FMNL2: variants seen among roughly 807,000 people sequenced by gnomAD.
FMNL2 encodes formin like 2.
FMNL2 carries 51 observed loss-of-function variants against 130.2 expected under a neutral mutation model. That is an observed-to-expected ratio of 0.39 (90% confidence interval 0.31 to 0.49). FMNL2 has a LOEUF of 0.49. Ranked by LOEUF, FMNL2 falls within the 20% of genes least tolerant of loss-of-function variation. The pLI is 0.85. For missense variants in FMNL2, 977 were observed against 1,316.2 expected, an observed-to-expected ratio of 0.74 and a Z score of 3.99; for synonymous variants, 465 against 467.1, an observed-to-expected ratio of 1.00 and a Z score of 0.06.
intron 1 of FMNL2, among the ~76,000 whole-genome samples, chr2:152,509,507 G>T (rs1030580015): frequency 2.0e-5 from 3 of 151,742 alleles, no homozygotes; most frequent in Admixed American, 1.3e-4. Flanking sequence ...CCTCTCATTG[G>T]ATAAAAAGTG....
At chr2:152,390,990 T>A (rs1685079082) in intron 1 of FMNL2, among the ~76,000 whole-genome samples, 1 of 152,236 alleles carries the variant, frequency 6.6e-6, no homozygotes, top group Admixed American at 6.5e-5. Context: ...CTTCACACCC[T>A]AGTTTGAAAG....
chr2:152,629,665 G>A lies in FMNL2; in HGVS notation c.2410G>A (p.Ala804Thr), dbSNP rs560912594. 3 of 1,597,904 alleles carry A rather than the reference G, an allele frequency of 1.9e-6. No individual in the cohort carries two copies. Among genetic ancestry groups the A allele is most frequent in the African/African-American group, 2.7e-5 (2 of 74,676 alleles). ...SIQMLTPQLH[A>T]IIAASVSIKS... ...TTTGATTGGAATCTAGCAACTACAT[G>A]CGATTATAGCAGCATCTGTCTCTAT... The change falls in exon 19 of 26, where the codon GCG becomes ACG. Residue 804 changes from alanine (A) to threonine (T), a missense_variant. By Grantham distance (58) the Ala-to-Thr change is moderately conservative. Coordinates refer to ENST00000288670, the MANE Select transcript of FMNL2 (RefSeq NM_052905.4).
chr2:152,428,543 C>G (rs1432323286), intron 1 of FMNL2, among the ~76,000 whole-genome samples: 1 of 152,118 alleles, frequency 6.6e-6, no homozygotes, highest in Non-Finnish European at 1.5e-5. Context: ...AATTTAAGAG[C>G]CTTTTTCCTT....
Position 152,649,115 on chromosome 2 carries a change from G to A in FMNL2, c.*1210G>A, listed in dbSNP as rs935915684. 1 of 152,520 alleles carries A rather than the reference G, an allele frequency of 6.6e-6. No homozygotes were observed. The highest frequency in any genetic ancestry group is 2.4e-5 in the African/African-American group (1 of 41,428). The allele number at this position is 152,520 out of a possible 1,614,324, so 9.4% of individuals were successfully genotyped here. The stretch of plus-strand genomic sequence containing the variant: ...GGTACATCAATATATTAATTGTAAA[G>A]TTTATTGTATAGTATTTAACCGCTG... On this transcript the variant is annotated 3_prime_UTR_variant, in exon 26 of 26. Transcript: ENST00000288670.
intron 1 of FMNL2, among the ~76,000 whole-genome samples, chr2:152,401,843 G>A (rs1436567207): frequency 1.3e-5 from 2 of 150,306 alleles, no homozygotes; most frequent in Non-Finnish European, 3.0e-5. Flanking sequence ...CAAAAAGAGA[G>A]AGGCAGAGAA....
rs1187241976 is a variant in FMNL2, at chr2:152,619,073, G to C, written c.1542G>C (p.Val514=). The part of the protein sequence containing the change: ...MGSEVVAGNS[V]GPTMGAASSG... ...CAGAAGTGGTAGCAGGTAACTCTGT[G>C]GGACCCACAATGGGGGCCGCTTCCT... Residue 514 remains valine, a synonymous_variant, in exon 14 of 26, where the codon GTG becomes GTC. Coordinates refer to ENST00000288670, the MANE Select transcript of FMNL2 (RefSeq NM_052905.4). The C allele has an allele frequency of 1.2e-6, 2 of 1,613,478 alleles. No homozygotes were observed. The highest frequency in any genetic ancestry group is 3.3e-4 in the Middle Eastern group (2 of 6,060).
At chr2:152,576,391 T>G (rs1472384520) in intron 7 of FMNL2, among the ~76,000 whole-genome samples, 1 of 152,156 alleles carries the variant, frequency 6.6e-6, no homozygotes, top group East Asian at 1.9e-4. Context: ...ATGTATATGT[T>G]CCAGATAATA....
At chr2:152,587,165 A>G (rs1697130167) in intron 9 of FMNL2, among the ~76,000 whole-genome samples, 1 of 152,234 alleles carries the variant, frequency 6.6e-6, no homozygotes, top group East Asian at 1.9e-4. Flanking sequence ...CTGAAGAGCC[A>G]CCATTCAAAG....
At chr2:152,555,489 A>G (rs891633812) in intron 4 of FMNL2, among the ~76,000 whole-genome samples, 43 of 152,376 alleles carry the variant, frequency 2.8e-4, no homozygotes, top group African/African-American at 9.4e-4. Context: ...AGCCAGGAAC[A>G]TCTCTTAAGA....
At chr2:152,619,278 T>C in intron 14 of FMNL2, 120 bp downstream of exon 14, 1 of 1,327,374 alleles carries the variant, frequency 7.5e-7, no homozygotes, top group Non-Finnish European at 1.0e-6. Context: ...GAATTGGTTT[T>C]CTTGAGTAGT....
chr2:152,615,350 C>T (rs1469309794), intron 12 of FMNL2, among the ~76,000 whole-genome samples: 2 of 151,994 alleles, frequency 1.3e-5, no homozygotes, highest in Non-Finnish European at 2.9e-5. Flanking sequence ...TGGCCTGAGG[C>T]GAAGAGGTAT....
chr2:152,586,289 T>C (rs1381082217), intron 9 of FMNL2, among the ~76,000 whole-genome samples: 4 of 152,342 alleles, frequency 2.6e-5, no homozygotes, highest in African/African-American at 9.6e-5. Context: ...GCAGTAGTTG[T>C]TCTTTTTTCT....
At chr2:152,531,668 G>A (rs35552611) in intron 2 of FMNL2, among the ~76,000 whole-genome samples, 32,261 of 151,746 alleles carry the variant, frequency 0.21, 3,801 homozygotes, top group Middle Eastern at 0.29. Flanking sequence ...TAAAGACAGG[G>A]TTTCACCATG....
intron 1 of FMNL2, among the ~76,000 whole-genome samples, chr2:152,498,921 A>G (rs1044563963): frequency 6.6e-6 from 1 of 152,182 alleles, no homozygotes; most frequent in African/African-American, 2.4e-5. Context: ...CTTCAACTTA[A>G]TTAGTGAAGG....
intron 1 of FMNL2, among the ~76,000 whole-genome samples, chr2:152,409,541 G>A (rs1340061862): frequency 6.6e-6 from 1 of 152,198 alleles, no homozygotes; most frequent in Non-Finnish European, 1.5e-5. Context: ...GCATGGTGAA[G>A]TTTCACAGTC....
At chr2:152,609,823 G>T (rs1206576345) in intron 10 of FMNL2, among the ~76,000 whole-genome samples, 1 of 152,180 alleles carries the variant, frequency 6.6e-6, no homozygotes, top group African/African-American at 2.4e-5. Flanking sequence ...GTGGTTCTCA[G>T]GATAAGTGTG....
At chr2:152,520,809 C>T (rs900803476) in intron 1 of FMNL2, among the ~76,000 whole-genome samples, 1 of 152,122 alleles carries the variant, frequency 6.6e-6, no homozygotes, top group African/African-American at 2.4e-5. Context: ...CTCTGTTAAA[C>T]TTGTTTCACC....
At chr2:152,448,008 A>G (rs1688442895) in intron 1 of FMNL2, among the ~76,000 whole-genome samples, 1 of 152,182 alleles carries the variant, frequency 6.6e-6, no homozygotes, top group South Asian at 2.1e-4. Flanking sequence ...GATAGAGAAT[A>G]AATTTTCCAA....
chr2:152,648,060 T>G lies in FMNL2; in HGVS notation c.*155T>G. The G allele has an allele frequency of 1.3e-5, 8 of 631,880 alleles. No individual in the cohort carries two copies. The highest frequency in any genetic ancestry group is 1.6e-5 in the Non-Finnish European group (6 of 370,638). The allele number at this position is 631,880 out of a possible 1,614,324, so 39.1% of individuals were successfully genotyped here. A position where few individuals can be genotyped will look rare whatever the true frequency, so the allele number is the denominator to read the frequency against. On this transcript the variant is annotated 3_prime_UTR_variant, in exon 26 of 26. Coordinates refer to ENST00000288670, the MANE Select transcript of FMNL2 (RefSeq NM_052905.4). ...CACGGAAGAATTTTAAAATGAGCTC[T>G]CCTTTCAACCCTTGTTAACAAGTGC...
Sources: allele counts gnomAD v4.1 joint callset (sites outside exome capture counted in the v4.1 genomes callset), GRCh38; gene constraint gnomAD v4.1.1; transcripts MANE v1.5; gene names NCBI Gene and HGNC (gene_info 2026-07-23, HGNC 2026-07-21).